The following TRA2B variants were observed in gnomAD, a reference collection of about 807,000 sequenced individuals.
TRA2B encodes transformer-2 protein homolog beta.
In TRA2B, 14 loss-of-function variants were observed where a neutral mutation model predicts 41.7. The ratio of observed to expected loss-of-function variants is 0.34; its 90% CI spans 0.22 to 0.53. TRA2B has a LOEUF of 0.53. TRA2B is among the 20% of genes least tolerant of loss of function. TRA2B has a pLI of 0.95. For synonymous variants in TRA2B, 130 were observed against 128.8 expected (o/e 1.01, Z -0.06); for missense variants, 167 against 396.8 (o/e 0.42, Z 4.92).
At chr3:185,921,660 A>G (rs1016296054) in intron 5 of TRA2B, among the ~76,000 whole-genome samples, 1 of 152,156 alleles carries the variant, frequency 6.6e-6, no homozygotes, top group Non-Finnish European at 1.5e-5. Flanking sequence ...GCTACTCGGG[A>G]GGCTGAGGCA....
chr3:185,915,092 A>G lies in TRA2B; in HGVS notation c.*2623T>C, dbSNP rs1743455916. Among the ~76,000 whole-genome samples the G allele has an allele frequency of 1.3e-5, 2 of 152,198 alleles. No individual in the cohort carries two copies. Among genetic ancestry groups the G allele is most frequent in the African/African-American group, 4.8e-5 (2 of 41,452 alleles). On this transcript the variant is annotated 3_prime_UTR_variant, in exon 9 of 9. Transcript: ENST00000453386. ...CGCACTTCACAATAGGATTCCTGCTATGAAAATCTGCTGTTGCTGATCTGA... is the reference window on the plus strand; with the variant it reads ...CGCACTTCACAATAGGATTCCTGCTGTGAAAATCTGCTGTTGCTGATCTGA...
chr3:185,934,097 T>A (rs995240860), intron 1 of TRA2B, among the ~76,000 whole-genome samples: 3 of 152,174 alleles, frequency 2.0e-5, no homozygotes, highest in Non-Finnish European at 2.9e-5. Flanking sequence ...GTGATTTCAA[T>A]ATCTAATTCT....
intron 2 of TRA2B, 119 bp from the exon 3 acceptor site, chr3:185,925,745 C>T (rs1288959175): frequency 9.8e-7 from 1 of 1,017,014 alleles, no homozygotes; most frequent in Admixed American, 3.6e-5. Flanking sequence ...AACATGGTTA[C>T]CAATTTAGTA....
chr3:185,921,536 G>A (rs1014156108), intron 5 of TRA2B, among the ~76,000 whole-genome samples: 7 of 152,062 alleles, frequency 4.6e-5, no homozygotes, highest in South Asian at 2.1e-4. Flanking sequence ...AGGCCGAGGC[G>A]GGCAGATCAT....
chr3:185,936,371 A>C (rs1400550366), intron 1 of TRA2B: 34 of 985,264 alleles, frequency 3.5e-5, no homozygotes, highest in Non-Finnish European at 3.9e-5. Context: ...AAAAAATCTA[A>C]AACACTCGTG....
At chr3:185,936,837 G>A (rs937349119) in intron 1 of TRA2B, 2 of 985,184 alleles carry the variant, frequency 2.0e-6, no homozygotes, top group African/African-American at 1.7e-5. Context: ...GAGCCCCACA[G>A]ACCAGCTACG....
At chr3:185,937,723 G>T in intron 1 of TRA2B, 102 bp downstream of exon 1, 1 of 1,529,232 alleles carries the variant, frequency 6.5e-7, no homozygotes, top group Non-Finnish European at 9.0e-7. Flanking sequence ...TCAGACTTCG[G>T]AGCCTAAAAC....
rs1179567973 is a variant in TRA2B, at chr3:185,935,433, A to G, written c.36+2392T>C. 8.1e-6 allele frequency: 8 copies of G among 985,376 alleles called. No homozygotes were observed. The Admixed American group carries it at 1.8e-4, about 23-fold the overall frequency. 61.0% of individuals were successfully genotyped at this position (985,376 alleles called of 1,614,324 possible). ...CATTATATTCACCCAAATGTATTCTATTGAGTGATCAAACTGAGAATAATT... is the reference window on the plus strand; with the variant it reads ...CATTATATTCACCCAAATGTATTCTGTTGAGTGATCAAACTGAGAATAATT... On this transcript the variant is annotated intron_variant, in intron 1 of 8. Coordinates refer to ENST00000453386, the MANE Select transcript of TRA2B (RefSeq NM_004593.3).
At chr3:185,925,860 A>G (rs1172582344) in intron 2 of TRA2B, among the ~76,000 whole-genome samples, 1 of 152,228 alleles carries the variant, frequency 6.6e-6, no homozygotes, top group Non-Finnish European at 1.5e-5. Flanking sequence ...TTAAAGACAT[A>G]TTACTTATCT....
chr3:185,935,782 C>T lies in TRA2B; in HGVS notation c.36+2043G>A, dbSNP rs180812119. 4 of 985,402 alleles carry T rather than the reference C, an allele frequency of 4.1e-6. No individual in the cohort carries two copies. The Admixed American group carries it at 1.8e-4, about 45-fold the overall frequency. 61.0% of individuals were successfully genotyped at this position (985,402 alleles called of 1,614,324 possible). A position where few individuals can be genotyped will look rare whatever the true frequency, so the allele number is the denominator to read the frequency against. ...CGTGTTTGATTCAGGTGTATTCCAA[C>T]CCTTAAAGGTTCCAATTGGAACACA... On this transcript the variant is annotated intron_variant, in intron 1 of 8. Coordinates refer to ENST00000453386, the MANE Select transcript of TRA2B (RefSeq NM_004593.3).
At chr3:185,937,412 G>T (rs759997007) in intron 1 of TRA2B, 31 of 1,011,184 alleles carry the variant, frequency 3.1e-5, no homozygotes, top group Middle Eastern at 9.7e-4. Context: ...GCGTTGCCGC[G>T]CGGCTTCTCC....
Position 185,918,424 on chromosome 3 carries a change from G to A in TRA2B, c.797C>T (p.Ser266Phe). Residue 266 changes from serine (S) to phenylalanine (F), a missense_variant, in exon 8 of 9, where the codon TCT becomes TTT. Coordinates refer to ENST00000453386, the MANE Select transcript of TRA2B (RefSeq NM_004593.3). ...GTATCCTCCACGACTATAGTAAGGA[G>A]AAGGTGACCGCCTTCTATAAACAAA... The part of the protein sequence containing the change: ...RDQIYRRRSP[S>F]PYYSRGGYRS... 6.2e-7 allele frequency: 1 copy of A among 1,613,208 alleles called. No individual in the cohort carries two copies. Among genetic ancestry groups the A allele is most frequent in the Non-Finnish European group, 8.5e-7 (1 of 1,179,358 alleles).
At chr3:185,936,583 T>G (rs1034726344) in intron 1 of TRA2B, 2 of 985,194 alleles carry the variant, frequency 2.0e-6, no homozygotes, top group Admixed American at 1.2e-4. Flanking sequence ...AATCAAAAGT[T>G]TGCTAAGACA....
At chr3:185,933,332 T>C (rs1021060772) in intron 1 of TRA2B, among the ~76,000 whole-genome samples, 1 of 152,210 alleles carries the variant, frequency 6.6e-6, no homozygotes, top group African/African-American at 2.4e-5. Flanking sequence ...TAAATTATTA[T>C]AAATATTAGA....
At position 185,937,922 on chromosome 3, in the gene TRA2B, T is replaced by C. The variant is rs1578492420; in HGVS notation, c.-62A>G. On this transcript the variant is annotated 5_prime_UTR_variant, in exon 1 of 9. Transcript: ENST00000453386. ...TCGAAGCTGCCAACCTCTTGCACCT[T>C]CCTTAAGGAGGCTCCGCCGCAGCCC... is the stretch of plus-strand genomic sequence containing the variant. 1 of 1,603,990 alleles carries C rather than the reference T, an allele frequency of 6.2e-7. No individual in the cohort carries two copies. Among genetic ancestry groups the C allele is most frequent in the Middle Eastern group, 1.7e-4 (1 of 6,044 alleles).
intron 1 of TRA2B, chr3:185,931,511 A>G (rs1744154487): frequency 9.3e-7 from 1 of 1,080,588 alleles, no homozygotes; most frequent in Non-Finnish European, 1.1e-6. Context: ...ATTTTCCTCT[A>G]TTAAACAAAT....
intron 5 of TRA2B, 92 bp from the exon 6 acceptor site, chr3:185,921,279 G>A: frequency 9.3e-7 from 1 of 1,076,092 alleles, no homozygotes; most frequent in African/African-American, 1.6e-5. Flanking sequence ...CACATTAACT[G>A]GAAAATGAAA....
chr3:185,931,723 G>T, intron 1 of TRA2B: 1 of 1,413,136 alleles, frequency 7.1e-7, no homozygotes. Context: ...GGGACTTCTG[G>T]TCTGATAATT....
At chr3:185,920,019 A>T (rs1028654034) in intron 6 of TRA2B, among the ~76,000 whole-genome samples, 6 of 152,198 alleles carry the variant, frequency 3.9e-5, no homozygotes, top group Non-Finnish European at 7.3e-5. Context: ...GGGAGGACCA[A>T]AATGTCACAA....
Sources: gnomAD v4.1 joint callset for allele counts (sites outside exome capture counted in the v4.1 genomes callset) on GRCh38, gnomAD v4.1.1 for gene constraint, MANE v1.5 for transcripts, NCBI Gene and HGNC (gene_info 2026-07-23, HGNC 2026-07-21) for gene names.